UNC13C: variants seen among roughly 807,000 people sequenced by gnomAD.
UNC13C encodes unc-13 homolog C.
Under a neutral mutation model 245.4 loss-of-function variants are expected in UNC13C, and 174 were observed. The ratio of observed to expected loss-of-function variants is 0.71; its 90% CI spans 0.63 to 0.80. The LOEUF (loss-of-function observed/expected upper bound fraction) is 0.80. Among genes scored for constraint, UNC13C ranks in the 30% least tolerant of loss-of-function variants. UNC13C has a pLI of 0.00. For synonymous variants in UNC13C, 992 were observed against 895.1 expected, an observed-to-expected ratio of 1.11 and a Z score of -1.93; for missense variants, 2,829 against 2,602.9, an observed-to-expected ratio of 1.09 and a Z score of -1.89.
intron 4 of UNC13C, among the ~76,000 whole-genome samples, chr15:54,208,541 C>T (rs2034784876): frequency 6.6e-6 from 1 of 152,068 alleles, no homozygotes; most frequent in Non-Finnish European, 1.5e-5. Context: ...GGCCCCTGCC[C>T]TCACAGAGCC....
the UNC13C span, among the ~76,000 whole-genome samples, chr15:53,897,968 G>C: frequency 6.6e-6 from 1 of 152,158 alleles, no homozygotes; most frequent in African/African-American, 2.4e-5. Context: ...TTCTAGTTGA[G>C]TATTTTAAGT....
intron 7 of UNC13C, among the ~76,000 whole-genome samples, chr15:54,240,621 G>A (rs1474091238): frequency 6.6e-6 from 1 of 152,144 alleles, no homozygotes; most frequent in Non-Finnish European, 1.5e-5. Flanking sequence ...CTGGCCATGG[G>A]TGAAGCATCG....
chr15:54,512,316 C>G (rs1452979196), intron 24 of UNC13C: 3 of 455,596 alleles, frequency 6.6e-6, no homozygotes, highest in Non-Finnish European at 1.3e-5. Context: ...ATGTCTTTGT[C>G]CAACATCTTT....
At chr15:54,359,553 A>G (rs1210765277) in intron 17 of UNC13C, among the ~76,000 whole-genome samples, 2 of 151,828 alleles carry the variant, frequency 1.3e-5, no homozygotes, top group East Asian at 1.9e-4. Context: ...CTATTTCTTC[A>G]TGATTCAGTC....
chr15:54,099,729 A>G (rs369370568), intron 2 of UNC13C, among the ~76,000 whole-genome samples: 5 of 151,890 alleles, frequency 3.3e-5, no homozygotes, highest in Non-Finnish European at 5.9e-5. Flanking sequence ...TTAGAGTGCA[A>G]CCCATCCACT....
At chr15:54,304,277 G>C (rs1015394024) in intron 13 of UNC13C, among the ~76,000 whole-genome samples, 4 of 152,128 alleles carry the variant, frequency 2.6e-5, no homozygotes, top group African/African-American at 9.7e-5. Context: ...GGTCTAAGGA[G>C]TGAAAACAAG....
chr15:54,629,307 TAAG>T (rs913505189), downstream of UNC13C: 3 of 151,966 alleles, frequency 2.0e-5, no homozygotes, highest in Non-Finnish European at 4.4e-5. Context: ...AGGGAAAAGA[TAAG>T]AAAAAGTATC....
Position 54,013,910 on chromosome 15 carries a change from G to A in UNC13C, c.1007G>A (p.Ser336Asn). 1 of 1,613,134 alleles carries A rather than the reference G, an allele frequency of 6.2e-7. No individual in the cohort carries two copies. The highest frequency in any genetic ancestry group is 1.7e-5 in the Admixed American group (1 of 59,758). The change falls in exon 2 of 33, where the codon AGC becomes AAC. Residue 336 changes from serine to asparagine, a missense_variant. Physicochemically the swap from Ser to Asn is conservative, Grantham distance 46 (BLOSUM62 1). Transcript: ENST00000260323. The stretch of plus-strand genomic sequence containing the variant: ...GAAGAAAGATTTGAATATGTTGAAA[G>A]CGTGGTGTACCAAATTCTAATAGAT... ...VTEERFEYVESVVYQILIDKM... is the reference protein window; with the variant it reads ...VTEERFEYVENVVYQILIDKM...
chr15:54,195,560 G>A (rs2034326329), intron 4 of UNC13C, among the ~76,000 whole-genome samples: 1 of 152,054 alleles, frequency 6.6e-6, no homozygotes, highest in Admixed American at 6.6e-5. Context: ...AATGAATACA[G>A]CATTAATGTC....
intron 1 of UNC13C, among the ~76,000 whole-genome samples, chr15:54,000,403 T>C (rs539469452): frequency 6.6e-6 from 1 of 152,272 alleles, no homozygotes; most frequent in Non-Finnish European, 1.5e-5. Context: ...ACAGAATATA[T>C]ATGAACATGT....
In UNC13C at chr15:54,600,606, G is replaced by C. The variant is rs865938944; in HGVS notation, c.6107-21721G>C. 2.6e-5 allele frequency among the ~76,000 whole-genome samples: 4 copies of C among 151,988 alleles called. No homozygotes were observed. In the East Asian group the frequency reaches 7.7e-4, roughly 29 times the overall value. The stretch of plus-strand genomic sequence containing the variant: ...AATACACATTATAATTCACTTTTTT[G>C]GTACCTTATTTTTCAGGTATTTATT... On this transcript the variant is annotated intron_variant, in intron 30 of 32. Transcript: ENST00000260323.
intron 2 of UNC13C, among the ~76,000 whole-genome samples, chr15:54,058,880 A>G (rs1897666140): frequency 6.6e-6 from 1 of 152,240 alleles, no homozygotes; most frequent in African/African-American, 2.4e-5. Flanking sequence ...ATCTCGATAG[A>G]TGCAGAAAAG....
intron 2 of UNC13C, among the ~76,000 whole-genome samples, chr15:54,123,764 A>T (rs2030842607): frequency 6.6e-6 from 1 of 152,136 alleles, no homozygotes; most frequent in Non-Finnish European, 1.5e-5. Flanking sequence ...TGTAAATTGT[A>T]TAAGCACCAT....
the UNC13C span, among the ~76,000 whole-genome samples, chr15:53,864,785 GA>G: frequency 6.6e-6 from 1 of 152,178 alleles, no homozygotes; most frequent in Non-Finnish European, 1.5e-5. Context: ...AATGGCATTG[GA>G]GACCATATGA....
the UNC13C span, among the ~76,000 whole-genome samples, chr15:53,965,091 C>T: frequency 6.6e-6 from 1 of 152,174 alleles, no homozygotes; most frequent in East Asian, 1.9e-4. Context: ...ATTACACTCA[C>T]ACAGGCAACA....
intron 24 of UNC13C, among the ~76,000 whole-genome samples, chr15:54,513,269 C>T (rs1342209595): frequency 6.6e-6 from 1 of 152,104 alleles, no homozygotes; most frequent in East Asian, 1.9e-4. Flanking sequence ...ATATTATCTC[C>T]TTCCTATAAA....
At chr15:54,450,956 G>A (rs1891139535) in intron 19 of UNC13C, among the ~76,000 whole-genome samples, 1 of 152,130 alleles carries the variant, frequency 6.6e-6, no homozygotes, top group Non-Finnish European at 1.5e-5. Context: ...TTGCTTGTCA[G>A]GGAAAGACTT....
chr15:54,247,686 T>C (rs16974384), intron 7 of UNC13C, among the ~76,000 whole-genome samples: 23,064 of 152,084 alleles, frequency 0.15, 1,864 homozygotes, highest in African/African-American at 0.2. Context: ...TCTCTAACTT[T>C]AATAGCTCTT....
chr15:54,002,151 T>C (rs766793841), intron 1 of UNC13C, among the ~76,000 whole-genome samples: 1 of 152,088 alleles, frequency 6.6e-6, no homozygotes, highest in Non-Finnish European at 1.5e-5. Flanking sequence ...GCCGGCGTGG[T>C]GGCGGGCACC....
Sources: gnomAD v4.1 joint callset for allele counts (sites outside exome capture counted in the v4.1 genomes callset) on GRCh38, gnomAD v4.1.1 for gene constraint, MANE v1.5 for transcripts, NCBI Gene and HGNC (gene_info 2026-07-23, HGNC 2026-07-21) for gene names.